KDM8: variants seen among roughly 807,000 people sequenced by gnomAD.
KDM8 encodes the protein lysine demethylase 8.
Under a neutral mutation model 46.9 loss-of-function variants are expected in KDM8, and 35 were observed. That is an observed-to-expected ratio of 0.75 (90% confidence interval 0.57 to 0.99). The LOEUF (loss-of-function observed/expected upper bound fraction) is 0.99. Ranked by LOEUF, KDM8 falls within the 50% of genes least tolerant of loss-of-function variation. The pLI, the probability that KDM8 is intolerant of heterozygous loss-of-function variation, is 0.00. For missense variants in KDM8, 475 were observed against 537.0 expected (o/e 0.88, Z 1.14); for synonymous variants, 232 against 227.7 (o/e 1.02, Z -0.17).
chr16:27,214,857 A>G lies in KDM8; in HGVS notation c.666-19A>G, dbSNP rs533092035. ...ACAGATATTAGCAGTGACGATGCCA[A>G]TGTGTGTCTTTCTGCTAGTTTGGAG... On this transcript the variant is annotated intron_variant, in intron 3 of 7. Transcript: ENST00000286096. 47 of 1,613,840 alleles carry G rather than the reference A, an allele frequency of 2.9e-5. 1 individual carries two copies. The South Asian group carries it at 3.5e-4, about 12-fold the overall frequency.
rs1466726593 is a variant in KDM8 at position 27,220,462 on chromosome 16, C to G, written c.1063C>G (p.His355Asp). ...AGGGGCTCTGTACCCTCATGACACG[C>G]ACCTTCTCCATAACACGAGCCAGGT... ...ESGALYPHDT[H>D]LLHNTSQVDV... Residue 355 changes from histidine to aspartate, a missense_variant, in exon 7 of 8, where the codon CAC (histidine) becomes GAC (aspartate). Physicochemically the swap from His to Asp is moderately conservative, Grantham distance 81. Transcript: ENST00000286096. 1.2e-6 allele frequency: 2 copies of G among 1,614,140 alleles called. No homozygotes were observed. Among genetic ancestry groups the G allele is most frequent in the Non-Finnish European group, 1.7e-6 (2 of 1,180,002 alleles).
chr16:27,210,801 C>T (rs766520800), intron 2 of KDM8, among the ~76,000 whole-genome samples, 180 bp downstream of exon 2: 7 of 152,182 alleles, frequency 4.6e-5, no homozygotes, highest in Non-Finnish European at 1.0e-4. Context: ...CCCGTTCTGT[C>T]GCCCAGGCTG....
At chr16:27,209,108 T>A (rs2083454894) in intron 1 of KDM8, among the ~76,000 whole-genome samples, 1 of 152,260 alleles carries the variant, frequency 6.6e-6, no homozygotes, top group South Asian at 2.1e-4. Flanking sequence ...AGGGACGTGT[T>A]AATCTATGTC....
intron 1 of KDM8, among the ~76,000 whole-genome samples, chr16:27,205,707 G>A (rs776802449): frequency 7.9e-5 from 12 of 152,114 alleles, no homozygotes; most frequent in African/African-American, 1.4e-4. Context: ...GCACAGTGGC[G>A]GGCACCTGTA....
At chr16:27,204,053 C>T (rs1263792000) in intron 1 of KDM8, 1 of 1,534,308 alleles carries the variant, frequency 6.5e-7, no homozygotes, top group Non-Finnish European at 8.8e-7. Flanking sequence ...CCCTGGGCCG[C>T]AAGGCAGGCT....
rs763150745 is a variant in KDM8 at position 27,220,748 on chromosome 16, A to G, written c.*18A>G. On this transcript the variant is annotated 3_prime_UTR_variant, in exon 8 of 8. Transcript: ENST00000286096. ...GGTCGTAGCCAGGATAGGAGCTGAA[A>G]GGGCCTGACATGCAGACAGCATTCA... is the stretch of plus-strand genomic sequence containing the variant. 9 of 1,613,730 alleles carry G rather than the reference A, an allele frequency of 5.6e-6. No homozygotes were observed. The highest frequency in any genetic ancestry group is 7.6e-6 in the Non-Finnish European group (9 of 1,179,714).
chr16:27,207,722 A>C lies in KDM8; in HGVS notation c.-31-2371A>C, dbSNP rs566252135. Among the ~76,000 whole-genome samples, 3 of 152,360 alleles carry C rather than the reference A, an allele frequency of 2.0e-5. No individual in the cohort carries two copies. The South Asian group carries it at 6.2e-4, about 32-fold the overall frequency. Reference sequence around the variant, plus strand: ...CAGCTCCCGGAGTAGCTGGGGCTACAGGTGTGTGCCACCATGACCAGCTAA... The same window carrying C: ...CAGCTCCCGGAGTAGCTGGGGCTACCGGTGTGTGCCACCATGACCAGCTAA... On this transcript the variant is annotated intron_variant, in intron 1 of 7. Coordinates refer to ENST00000286096, the MANE Select transcript of KDM8 (RefSeq NM_024773.3).
At chr16:27,209,684 A>G (rs2083461809) in intron 1 of KDM8, among the ~76,000 whole-genome samples, 1 of 152,192 alleles carries the variant, frequency 6.6e-6, no homozygotes, top group Non-Finnish European at 1.5e-5. Context: ...AGGTGTTTTC[A>G]TACATCCTGA....
intron 2 of KDM8, chr16:27,213,233 G>A (rs112558387): frequency 2.2e-5 from 4 of 177,866 alleles, no homozygotes; most frequent in Admixed American, 6.0e-5. Context: ...GTGTGTGTGT[G>A]TGTGTGTGTG....
chr16:27,219,493 T>C (rs1317727617), intron 6 of KDM8, among the ~76,000 whole-genome samples: 4 of 152,224 alleles, frequency 2.6e-5, no homozygotes, highest in African/African-American at 9.7e-5. Context: ...GGGAGGTTTT[T>C]TTCCTGAGGC....
chr16:27,217,343 G>A (rs151223498), intron 5 of KDM8, among the ~76,000 whole-genome samples: 1 of 152,100 alleles, frequency 6.6e-6, no homozygotes, highest in Non-Finnish European at 1.5e-5. Context: ...GATTCCCTTC[G>A]GGTCTCTGCA....
intron 5 of KDM8, 131 bp downstream of exon 5, chr16:27,216,120 A>C: frequency 1.0e-6 from 1 of 961,226 alleles, no homozygotes; most frequent in Non-Finnish European, 1.6e-6. Flanking sequence ...GGAAGGTGAC[A>C]GGACGTGGGT....
chr16:27,214,405 C>A (rs187054149), intron 3 of KDM8: 1 of 166,930 alleles, frequency 6.0e-6, no homozygotes, highest in East Asian at 1.6e-4. Flanking sequence ...GTTGTCATCA[C>A]CCCCATTCTG....
chr16:27,205,180 C>T (rs749526428), intron 1 of KDM8, among the ~76,000 whole-genome samples: 4 of 152,194 alleles, frequency 2.6e-5, no homozygotes, highest in Non-Finnish European at 5.9e-5. Flanking sequence ...AGGCCTGAGT[C>T]TATTCCGGCT....
chr16:27,204,342 T>C, intron 1 of KDM8: 1 of 1,356,856 alleles, frequency 7.4e-7, no homozygotes, highest in Non-Finnish European at 9.4e-7. Flanking sequence ...GCGCAGGCGT[T>C]GGGGCCACAC....
chr16:27,204,209 C>T, intron 1 of KDM8: 2 of 1,460,410 alleles, frequency 1.4e-6, no homozygotes, highest in Non-Finnish European at 1.8e-6. Flanking sequence ...GGGTGTGTGA[C>T]TGCCCTAAGG....
intron 1 of KDM8, among the ~76,000 whole-genome samples, chr16:27,207,475 A>C (rs2083439571): frequency 6.6e-6 from 1 of 152,204 alleles, no homozygotes; most frequent in Non-Finnish European, 1.5e-5. Context: ...AACTACATAA[A>C]AGGCCAAATC....
At position 27,220,850 on chromosome 16, in the gene KDM8, T is replaced by G; in HGVS notation, c.*120T>G. ...AACCTGTGTCCTGAAGAGCCTTCAC[T>G]GCCCAGTGGCAGCCCTGGGGGGCTG... On this transcript the variant is annotated 3_prime_UTR_variant, in exon 8 of 8. Transcript: ENST00000286096. 3 of 1,229,144 alleles carry G rather than the reference T, an allele frequency of 2.4e-6. No homozygotes were observed. In the South Asian group the frequency reaches 3.7e-5, roughly 15 times the overall value. 76.1% of individuals were successfully genotyped at this position (1,229,144 alleles called of 1,614,324 possible).
Position 27,214,687 on chromosome 16 carries a change from G to GCCGCACAGCACTGTGTATGAA in KDM8, c.666-187_666-186insGCACAGCACTGTGTATGAACC. ...CAAAGCTGCACAGCACTGTGTATGAGCCACACAGCCTTGAGCAGGGAGCCC... is the reference window on the plus strand; with the variant it reads ...CAAAGCTGCACAGCACTGTGTATGAGCCGCACAGCACTGTGTATGAACCACACAGCCTTGAGCAGGGAGCCC... On this transcript the variant is annotated intron_variant, in intron 3 of 7. Transcript: ENST00000286096. 6.4e-6 allele frequency: 4 copies of GCCGCACAGCACTGTGTATGAA among 623,000 alleles called. No homozygotes were observed. In the East Asian group the frequency reaches 1.1e-4, roughly 18 times the overall value. 38.6% of individuals were successfully genotyped at this position (623,000 alleles called of 1,614,324 possible).
Sources: allele counts gnomAD v4.1 joint callset (sites outside exome capture counted in the v4.1 genomes callset), GRCh38; gene constraint gnomAD v4.1.1; transcripts MANE v1.5; gene names NCBI Gene and HGNC (gene_info 2026-07-23, HGNC 2026-07-21).